The following ADGRF3 variants were observed in gnomAD, a reference collection of about 807,000 sequenced individuals.
ADGRF3 encodes G protein-coupled receptor 113.
ADGRF3 carries 85 observed loss-of-function variants against 93.2 expected under a neutral mutation model. The ratio of observed to expected loss-of-function variants is 0.91; its 90% CI spans 0.77 to 1.09. The LOEUF (loss-of-function observed/expected upper bound fraction) is 1.09, where lower values mean the gene tolerates loss of function less well. Among genes scored for constraint, ADGRF3 ranks in the 50% least tolerant of loss-of-function variants. ADGRF3 has a pLI of 0.00. For synonymous variants in ADGRF3, 534 were observed against 532.5 expected, an observed-to-expected ratio of 1.00 and a Z score of -0.04; for missense variants, 1,125 against 1,246.2, an observed-to-expected ratio of 0.90 and a Z score of 1.46.
At chr2:26,312,103 C>A in intron 9 of ADGRF3, 29 bp from the exon 10 acceptor site, 1 of 1,569,554 alleles carries the variant, frequency 6.4e-7, no homozygotes, top group Non-Finnish European at 8.6e-7. Flanking sequence ...AGATGAACCC[C>A]GTCTGCTGGC....
At chr2:26,328,512 A>C (rs1675576597) in intron 1 of ADGRF3, among the ~76,000 whole-genome samples, 1 of 143,552 alleles carries the variant, frequency 7.0e-6, no homozygotes, top group Non-Finnish European at 1.5e-5. Flanking sequence ...GGAGTGCAGC[A>C]GTGCTATCTC....
Position 26,346,323 on chromosome 2 carries a change from T to C in ADGRF3, c.-89A>G, listed in dbSNP as rs1676752199. On this transcript the variant is annotated 5_prime_UTR_variant, in exon 1 of 14. Coordinates refer to ENST00000651242, the MANE Select transcript of ADGRF3 (RefSeq NM_001321971.2). The stretch of plus-strand genomic sequence containing the variant: ...GGCCGGCGGATGCCCCTCTCCCTGC[T>C]CCCGGCCTCGCCCAGGCGGCTGAGG... The C allele has an allele frequency of 6.3e-7, 1 of 1,591,614 alleles. No homozygotes were observed.
intron 1 of ADGRF3, among the ~76,000 whole-genome samples, chr2:26,324,162 G>C (rs1033134554): frequency 6.6e-6 from 1 of 152,104 alleles, no homozygotes; most frequent in African/African-American, 2.4e-5. Flanking sequence ...GAGGTGGGAC[G>C]ATCACCGGAG....
intron 1 of ADGRF3, among the ~76,000 whole-genome samples, chr2:26,332,111 A>G (rs1238793851): frequency 2.0e-5 from 3 of 152,236 alleles, no homozygotes; most frequent in Non-Finnish European, 4.4e-5. Flanking sequence ...CAAGGAGTTT[A>G]GAACACTTTA....
chr2:26,327,311 A>C (rs1675485218), intron 1 of ADGRF3, among the ~76,000 whole-genome samples: 1 of 152,202 alleles, frequency 6.6e-6, no homozygotes, highest in Non-Finnish European at 1.5e-5. Context: ...ACAGACAAAC[A>C]TGAGGTGAGT....
At chr2:26,330,584 G>GATCC (rs1279941043) in intron 1 of ADGRF3, among the ~76,000 whole-genome samples, 4 of 152,162 alleles carry the variant, frequency 2.6e-5, no homozygotes, top group Non-Finnish European at 4.4e-5. Flanking sequence ...GGCTCCTGCG[G>GATCC]ATCCTCACCG....
intron 1 of ADGRF3, chr2:26,319,079 C>A: frequency 1.3e-6 from 2 of 1,531,042 alleles, no homozygotes; most frequent in Non-Finnish European, 1.8e-6. Context: ...TACAAGCCCA[C>A]GATGCAAATT....
chr2:26,344,206 A>C (rs1021111899), intron 1 of ADGRF3, among the ~76,000 whole-genome samples: 4 of 152,074 alleles, frequency 2.6e-5, no homozygotes, highest in Non-Finnish European at 5.9e-5. Flanking sequence ...GCGCAGTGAC[A>C]CAATCTCGGT....
chr2:26,310,181 G>C lies in ADGRF3; in HGVS notation c.2874+15C>G. ...GGGCTGCAAGTGAGGCAGGGGGTTA[G>C]GTGGGCAGACTTACCTTCCTGTCCA... is the stretch of plus-strand genomic sequence containing the variant. On this transcript the variant is annotated intron_variant, in intron 11 of 13. Coordinates refer to ENST00000651242, the MANE Select transcript of ADGRF3 (RefSeq NM_001321971.2). 1.9e-6 allele frequency: 3 copies of C among 1,614,044 alleles called. No homozygotes were observed. Among genetic ancestry groups the C allele is most frequent in the Non-Finnish European group, 2.5e-6 (3 of 1,179,890 alleles).
At chr2:26,341,461 G>C (rs754943501) in intron 1 of ADGRF3, among the ~76,000 whole-genome samples, 1 of 152,092 alleles carries the variant, frequency 6.6e-6, no homozygotes, top group Non-Finnish European at 1.5e-5. Context: ...AGCAACATAG[G>C]AAGTAGGAGG....
At chr2:26,345,202 A>C (rs1227445978) in intron 1 of ADGRF3, among the ~76,000 whole-genome samples, 1 of 152,168 alleles carries the variant, frequency 6.6e-6, no homozygotes, top group Non-Finnish European at 1.5e-5. Context: ...ATGTATGTGA[A>C]GTTCTCCCCA....
intron 1 of ADGRF3, among the ~76,000 whole-genome samples, chr2:26,327,847 A>G (rs540022437): frequency 6.7e-6 from 1 of 150,168 alleles, no homozygotes; most frequent in African/African-American, 2.5e-5. Context: ...AAAAAAAAAA[A>G]TTTTGCCACT....
At chr2:26,330,229 T>C (rs1257774077) in intron 1 of ADGRF3, among the ~76,000 whole-genome samples, 1 of 152,204 alleles carries the variant, frequency 6.6e-6, no homozygotes, top group Non-Finnish European at 1.5e-5. Context: ...ACCTGCGTGA[T>C]GGATGGTCGA....
intron 5 of ADGRF3, 114 bp from the exon 6 acceptor site, chr2:26,314,737 GC>G: frequency 2.1e-6 from 2 of 947,778 alleles, no homozygotes; most frequent in South Asian, 3.2e-5. Context: ...GCCACCCAGT[GC>G]TTAACCCCAG....
Position 26,317,467 on chromosome 2 carries a change from C to A in ADGRF3, c.181+29G>T, listed in dbSNP as rs1674801834. 4.5e-6 allele frequency: 7 copies of A among 1,568,674 alleles called. No individual in the cohort carries two copies. In the East Asian group the frequency reaches 1.2e-4, roughly 27 times the overall value. The stretch of plus-strand genomic sequence containing the variant: ...CATTCCCAGCTCCCATCTCCTCCCC[C>A]TCCCTCCTCCTCCTGTCCATACACT... On this transcript the variant is annotated intron_variant, in intron 2 of 13. Coordinates refer to ENST00000651242, the MANE Select transcript of ADGRF3 (RefSeq NM_001321971.2).
chr2:26,326,896 A>G (rs1675463002), intron 1 of ADGRF3, among the ~76,000 whole-genome samples: 1 of 152,096 alleles, frequency 6.6e-6, no homozygotes, highest in South Asian at 2.1e-4. Flanking sequence ...CCTCAGCCCA[A>G]GTAGCTGGGA....
intron 1 of ADGRF3, among the ~76,000 whole-genome samples, chr2:26,327,374 G>A (rs1369459145): frequency 6.6e-6 from 1 of 152,180 alleles, no homozygotes; most frequent in Non-Finnish European, 1.5e-5. Context: ...TTGATCTTTA[G>A]TTCCTTCAGA....
chr2:26,309,851 T>C (rs1673893906), intron 12 of ADGRF3, 192 bp downstream of exon 12: 4 of 1,338,238 alleles, frequency 3.0e-6, no homozygotes, highest in Non-Finnish European at 4.1e-6. Context: ...CCCAGGACCC[T>C]GATCCTGACT....
intron 11 of ADGRF3, 22 bp downstream of exon 11, chr2:26,310,174 G>C: frequency 6.2e-7 from 1 of 1,614,036 alleles, no homozygotes; most frequent in Non-Finnish European, 8.5e-7. Flanking sequence ...AGTGAGGCAG[G>C]GGGTTAGGTG....
Sources: allele counts gnomAD v4.1 joint callset (sites outside exome capture counted in the v4.1 genomes callset), GRCh38; gene constraint gnomAD v4.1.1; transcripts MANE v1.5; gene names NCBI Gene and HGNC (gene_info 2026-07-23, HGNC 2026-07-21).